The following UBE2R2 variants were observed in gnomAD, a reference collection of about 807,000 sequenced individuals.
The protein encoded by UBE2R2 is ubiquitin-conjugating enzyme E2 R2.
In UBE2R2, 1 loss-of-function variant was observed where a neutral mutation model predicts 27.8. The observed-to-expected ratio is 0.04, with a 90% CI of 0.01 to 0.17. UBE2R2 has a LOEUF of 0.17. UBE2R2 is among the 10% of genes least tolerant of loss of function. UBE2R2 has a pLI of 1.00. For missense variants in UBE2R2, 100 were observed against 291.0 expected (o/e 0.34, Z 4.78); for synonymous variants, 106 against 113.3 (o/e 0.94, Z 0.41).
At chr9:33,897,320 CTTT>C (rs36097436) in intron 2 of UBE2R2, among the ~76,000 whole-genome samples, 1 of 140,226 alleles carries the variant, frequency 7.1e-6, no homozygotes, top group Non-Finnish European at 1.5e-5. Flanking sequence ...CAGAAAAACT[CTTT>C]TTTTTTTTTG....
chr9:33,834,852 G>A (rs1264900037), intron 1 of UBE2R2, among the ~76,000 whole-genome samples: 2 of 151,444 alleles, frequency 1.3e-5, no homozygotes, highest in South Asian at 2.1e-4. Context: ...GGAGGTTGCA[G>A]TAAGCCGAGA....
At chr9:33,915,066 GT>G (rs1822608507) in intron 4 of UBE2R2, among the ~76,000 whole-genome samples, 2 of 151,564 alleles carry the variant, frequency 1.3e-5, no homozygotes, top group South Asian at 4.2e-4. Context: ...GGAGCCAGAG[GT>G]TGCAATGAGC....
chr9:33,887,006 T>G (rs1587469693), intron 2 of UBE2R2, 39 bp downstream of exon 2: 1 of 1,539,054 alleles, frequency 6.5e-7, no homozygotes, highest in Non-Finnish European at 8.8e-7. Flanking sequence ...TGAAGATTTT[T>G]TTTTTTAAAT....
intron 1 of UBE2R2, among the ~76,000 whole-genome samples, chr9:33,843,140 T>C (rs1404627318): frequency 6.8e-6 from 1 of 146,528 alleles, no homozygotes; most frequent in Non-Finnish European, 1.5e-5. Context: ...CTCCACCTCC[T>C]GGGGGTGAAG....
At chr9:33,845,862 G>T (rs1300413465) in intron 1 of UBE2R2, among the ~76,000 whole-genome samples, 3 of 151,968 alleles carry the variant, frequency 2.0e-5, no homozygotes, top group Non-Finnish European at 4.4e-5. Context: ...ACAAAAATTG[G>T]CTGGGCGCGG....
upstream of UBE2R2, among the ~76,000 whole-genome samples, chr9:33,817,102 G>A (rs2130688675): frequency 6.6e-6 from 1 of 152,044 alleles, no homozygotes; most frequent in Admixed American, 6.5e-5. Context: ...GCCGCTGAGA[G>A]CCGCCCAGCA....
chr9:33,860,560 G>A lies in UBE2R2; in HGVS notation c.178-26321G>A, dbSNP rs1821206836. Reference sequence around the variant, plus strand: ...TTGTTTGACTTTATTTGTTTTATTTGTTTGAATTTTCTTCTTTCTAGGGGT... The same window carrying A: ...TTGTTTGACTTTATTTGTTTTATTTATTTGAATTTTCTTCTTTCTAGGGGT... On this transcript the variant is annotated intron_variant, in intron 1 of 4. Transcript: ENST00000263228. Among the ~76,000 whole-genome samples, 4 of 151,984 alleles carry A rather than the reference G, an allele frequency of 2.6e-5. No homozygotes were observed. In the South Asian group the frequency reaches 8.3e-4, roughly 31 times the overall value.
chr9:33,889,355 C>T (rs545844104), intron 2 of UBE2R2, among the ~76,000 whole-genome samples: 1 of 152,268 alleles, frequency 6.6e-6, no homozygotes, highest in African/African-American at 2.4e-5. Flanking sequence ...CAAGGCAGTT[C>T]TCTCTTGCCT....
chr9:33,912,188 C>A (rs1822508242), intron 4 of UBE2R2, 90 bp downstream of exon 4: 1 of 1,127,890 alleles, frequency 8.9e-7, no homozygotes, highest in Non-Finnish European at 1.3e-6. Context: ...ATATCCTGTC[C>A]ATTCCAGGAT....
intron 1 of UBE2R2, among the ~76,000 whole-genome samples, chr9:33,873,079 A>G (rs1231016449): frequency 6.8e-6 from 1 of 147,734 alleles, no homozygotes; most frequent in Non-Finnish European, 1.5e-5. Context: ...GGTGGGTGAG[A>G]CAGGAGAATT....
chr9:33,866,911 G>A (rs1474088370), intron 1 of UBE2R2, among the ~76,000 whole-genome samples: 1 of 152,052 alleles, frequency 6.6e-6, no homozygotes, highest in African/African-American at 2.4e-5. Flanking sequence ...TCTGTGGCTT[G>A]CTTGTTCCCT....
intron 1 of UBE2R2, among the ~76,000 whole-genome samples, chr9:33,840,083 C>G (rs561791222): frequency 6.6e-6 from 1 of 152,254 alleles, no homozygotes; most frequent in African/African-American, 2.4e-5. Flanking sequence ...GGTATGTTTT[C>G]TAAGTTGCTT....
At chr9:33,882,864 G>A (rs1205893720) in intron 1 of UBE2R2, among the ~76,000 whole-genome samples, 1 of 152,072 alleles carries the variant, frequency 6.6e-6, no homozygotes, top group African/African-American at 2.4e-5. Flanking sequence ...TGAGGTGGAC[G>A]GATCACCTGA....
chr9:33,880,486 A>C (rs551930226), intron 1 of UBE2R2, among the ~76,000 whole-genome samples: 24 of 152,184 alleles, frequency 1.6e-4, no homozygotes, highest in African/African-American at 5.8e-4. Context: ...GCCAAAGAAT[A>C]TGCTATGTAT....
chr9:33,833,210 A>G (rs55684780), intron 1 of UBE2R2, among the ~76,000 whole-genome samples: 12,020 of 152,130 alleles, frequency 0.079, 686 homozygotes, highest in Non-Finnish European at 0.12. Context: ...GATTACAAAC[A>G]CATGCCACCG....
chr9:33,830,667 C>A (rs191114633), intron 1 of UBE2R2, among the ~76,000 whole-genome samples: 2 of 151,400 alleles, frequency 1.3e-5, no homozygotes, highest in Non-Finnish European at 2.9e-5. Flanking sequence ...ACTTGGGAGG[C>A]TGAGGCAGGA....
chr9:33,851,744 C>G (rs1820971634), intron 1 of UBE2R2, among the ~76,000 whole-genome samples: 1 of 152,154 alleles, frequency 6.6e-6, no homozygotes, highest in African/African-American at 2.4e-5. Context: ...ACTACATAAA[C>G]ATCCTATTGC....
intron 1 of UBE2R2, among the ~76,000 whole-genome samples, chr9:33,856,341 G>T (rs1048216169): frequency 6.6e-6 from 1 of 152,106 alleles, no homozygotes; most frequent in African/African-American, 2.4e-5. Context: ...CTAGGCTTAT[G>T]ATGTGAAACA....
chr9:33,818,528 GT>G (rs1825885746), intron 1 of UBE2R2: 3 of 78,772 alleles, frequency 3.8e-5, no homozygotes, highest in South Asian at 1.3e-3. Context: ...CCTAGGGGTG[GT>G]AAAAAAAAAA....
Sources: allele counts gnomAD v4.1 joint callset (sites outside exome capture counted in the v4.1 genomes callset), GRCh38; gene constraint gnomAD v4.1.1; transcripts MANE v1.5; gene names NCBI Gene and HGNC (gene_info 2026-07-23, HGNC 2026-07-21).